THRAP3: variants seen among roughly 807,000 people sequenced by gnomAD.
THRAP3 encodes thyroid hormone receptor associated protein 3.
A neutral mutation model predicts 101.0 loss-of-function variants in THRAP3; 16 were observed. That is an observed-to-expected ratio of 0.16 (90% confidence interval 0.11 to 0.24). The LOEUF (loss-of-function observed/expected upper bound fraction) is 0.24. Among genes scored for constraint, THRAP3 ranks in the 10% least tolerant of loss-of-function variants. The pLI is 1.00. For synonymous variants in THRAP3, 407 were observed against 422.6 expected, an observed-to-expected ratio of 0.96 and a Z score of 0.45; for missense variants, 989 against 1,202.7, an observed-to-expected ratio of 0.82 and a Z score of 2.63.
chr1:36,274,604 T>C (rs1166789381), intron 2 of THRAP3, among the ~76,000 whole-genome samples: 1 of 150,078 alleles, frequency 6.7e-6, no homozygotes, highest in Non-Finnish European at 1.5e-5. Flanking sequence ...AAATGAATCC[T>C]TACATTTATG....
chr1:36,266,288 T>C (rs1377365325), intron 2 of THRAP3, among the ~76,000 whole-genome samples: 1 of 152,064 alleles, frequency 6.6e-6, no homozygotes, highest in Non-Finnish European at 1.5e-5. Flanking sequence ...ATTGAGCTAC[T>C]GCACTCCAGC....
chr1:36,215,638 G>C, the THRAP3 span, among the ~76,000 whole-genome samples: 1 of 152,092 alleles, frequency 6.6e-6, no homozygotes, highest in Non-Finnish European at 1.5e-5. Context: ...CACAGTCTCT[G>C]TTGCAACCAC....
intron 8 of THRAP3, 162 bp downstream of exon 8, chr1:36,294,097 A>C: frequency 7.1e-7 from 1 of 1,414,856 alleles, no homozygotes; most frequent in Non-Finnish European, 9.2e-7. Flanking sequence ...ATTTTTATTA[A>C]ATGTATCAAC....
intron 1 of THRAP3, among the ~76,000 whole-genome samples, chr1:36,255,208 A>G (rs1645357459): frequency 1.3e-5 from 2 of 152,194 alleles, no homozygotes; most frequent in African/African-American, 4.8e-5. Flanking sequence ...TTTTGAAACA[A>G]GAACACATTA....
chr1:36,215,771 C>T, the THRAP3 span, among the ~76,000 whole-genome samples: 6 of 148,230 alleles, frequency 4.0e-5, no homozygotes, highest in East Asian at 2.0e-4. Flanking sequence ...TTTTTTGAGA[C>T]AGAGTTTTGC....
intron 3 of THRAP3, among the ~76,000 whole-genome samples, chr1:36,283,978 C>A (rs1570323996): frequency 6.6e-6 from 1 of 152,254 alleles, no homozygotes; most frequent in Admixed American, 6.5e-5. Context: ...ATGGGACCAG[C>A]AAGACTCTTA....
chr1:36,246,519 G>A (rs201891464), intron 1 of THRAP3, among the ~76,000 whole-genome samples: 12 of 152,120 alleles, frequency 7.9e-5, no homozygotes, highest in South Asian at 4.1e-4. Context: ...AGGTGTGAGC[G>A]ACTGTGCCCA....
At position 36,287,748 on chromosome 1, in the gene THRAP3, G is replaced by A. The variant is rs536946093; in HGVS notation, c.1040+478G>A. On this transcript the variant is annotated intron_variant, in intron 4 of 11. Coordinates refer to ENST00000354618, the MANE Select transcript of THRAP3 (RefSeq NM_005119.4). Reference sequence around the variant, plus strand: ...ACTGGGCAGAATGGGAAAGGCCAAGGCATAGTCCAGGAAGGCCTTGTTTTA... The same window carrying A: ...ACTGGGCAGAATGGGAAAGGCCAAGACATAGTCCAGGAAGGCCTTGTTTTA... The A allele has an allele frequency of 3.0e-6, 3 of 985,440 alleles. No individual in the cohort carries two copies. The African/African-American group carries it at 5.2e-5, about 17-fold the overall frequency. 61.0% of individuals were successfully genotyped at this position (985,440 alleles called of 1,614,324 possible). A position where few individuals can be genotyped will look rare whatever the true frequency, so the allele number is the denominator to read the frequency against.
At chr1:36,270,306 G>A (rs188671111) in intron 2 of THRAP3, among the ~76,000 whole-genome samples, 4 of 152,116 alleles carry the variant, frequency 2.6e-5, no homozygotes, top group Admixed American at 6.5e-5. Context: ...GGGAGGATCG[G>A]TTGAGCCAGC....
At chr1:36,302,247 A>T (rs1031401914) in intron 11 of THRAP3, among the ~76,000 whole-genome samples, 5 of 152,182 alleles carry the variant, frequency 3.3e-5, no homozygotes, top group Non-Finnish European at 7.3e-5. Context: ...CTTGGCCTTG[A>T]TCTGTAACAG....
intron 1 of THRAP3, among the ~76,000 whole-genome samples, chr1:36,235,451 A>G (rs146040706): frequency 0.015 from 2,276 of 152,280 alleles, 24 homozygotes; most frequent in Non-Finnish European, 0.023. Context: ...ATAGTGAAGG[A>G]TGGTGTAATT....
At chr1:36,235,806 A>G (rs1201509820) in intron 1 of THRAP3, among the ~76,000 whole-genome samples, 1 of 152,184 alleles carries the variant, frequency 6.6e-6, no homozygotes, top group Admixed American at 6.6e-5. Context: ...ATAGCAACCT[A>G]AATATATGCC....
rs144744040 is a variant in THRAP3, at chr1:36,303,239, C to T, written c.2647-557C>T. Among the ~76,000 whole-genome samples the T allele has an allele frequency of 1.5e-4, 23 of 150,900 alleles. No individual in the cohort carries two copies. In the East Asian group the frequency reaches 4.5e-3, roughly 30 times the overall value. ...TCGGCCTCCCAAAGTGCTAGGATTA[C>T]AGGCATGAGCCACTGCACCCAGCCG... On this transcript the variant is annotated intron_variant, in intron 11 of 11. Transcript: ENST00000354618.
intron 1 of THRAP3, among the ~76,000 whole-genome samples, chr1:36,239,667 A>G (rs1433952087): frequency 6.6e-6 from 1 of 152,192 alleles, no homozygotes; most frequent in Non-Finnish European, 1.5e-5. Flanking sequence ...AGGGATGGCA[A>G]TATCTTTGAT....
intron 1 of THRAP3, among the ~76,000 whole-genome samples, chr1:36,254,703 T>G (rs1364736275): frequency 2.0e-5 from 3 of 152,182 alleles, no homozygotes; most frequent in Non-Finnish European, 4.4e-5. Flanking sequence ...AAATTGGAAT[T>G]TCCCCAGCCC....
rs1459817725 is a variant in THRAP3 at position 36,269,287 on chromosome 1, A to C, written c.-32+9803A>C. ...TTGAAGCGAGCTCACTTTTTTTTAC[A>C]GTGGATTTCGGACACCATAGAGTTA... On this transcript the variant is annotated intron_variant, in intron 2 of 11. Coordinates refer to ENST00000354618, the MANE Select transcript of THRAP3 (RefSeq NM_005119.4). Among the ~76,000 whole-genome samples, 4 of 152,208 alleles carry C rather than the reference A, an allele frequency of 2.6e-5. No individual in the cohort carries two copies. In the East Asian group the frequency reaches 7.7e-4, roughly 29 times the overall value.
intron 2 of THRAP3, among the ~76,000 whole-genome samples, chr1:36,266,458 T>A (rs1377343273): frequency 1.3e-5 from 2 of 152,218 alleles, no homozygotes; most frequent in Admixed American, 6.5e-5. Flanking sequence ...TCATTGAATT[T>A]TCTCCACCTC....
chr1:36,280,958 T>C (rs1416720267), intron 2 of THRAP3, among the ~76,000 whole-genome samples: 1 of 151,334 alleles, frequency 6.6e-6, no homozygotes, highest in Non-Finnish European at 1.5e-5. Flanking sequence ...GGAGTTTTGC[T>C]CTTGTCGTCC....
chr1:36,250,042 A>G (rs1038774447), intron 1 of THRAP3, among the ~76,000 whole-genome samples: 2 of 152,114 alleles, frequency 1.3e-5, no homozygotes, highest in Admixed American at 1.3e-4. Context: ...ATCCTGGTGT[A>G]ACGCCTTGGG....
Sources: allele counts gnomAD v4.1 joint callset (sites outside exome capture counted in the v4.1 genomes callset), GRCh38; gene constraint gnomAD v4.1.1; transcripts MANE v1.5; gene names NCBI Gene and HGNC (gene_info 2026-07-23, HGNC 2026-07-21).